The following B3GALT5 variants were observed in gnomAD, a reference collection of about 807,000 sequenced individuals.
B3GALT5 encodes the protein UDP-Gal:betaGlcNAc beta 1,3-galactosyltransferase, polypeptide 5.
For missense variants in B3GALT5, 328 were observed against 396.6 expected (o/e 0.83, Z 1.47); for synonymous variants, 156 against 158.6 (o/e 0.98, Z 0.12).
At position 39,644,406 on chromosome 21, in the gene B3GALT5, CA is replaced by C. The variant is rs563470203; in HGVS notation, c.-391-1985del. On this transcript the variant is annotated intron_variant, in intron 1 of 3. Coordinates refer to ENST00000684187, the MANE Select transcript of B3GALT5 (RefSeq NM_001356336.2). ...GTATGTAGCTTTTCATCTTTGTCGC[CA>C]TTTTATTTAGGAACCCAAATGGGAG... is the stretch of plus-strand genomic sequence containing the variant. Among the ~76,000 whole-genome samples, 43 of 152,212 alleles carry C rather than the reference CA, an allele frequency of 2.8e-4. No individual in the cohort carries two copies. The South Asian group carries it at 7.9e-3, about 28-fold the overall frequency.
rs1452149811 is a variant in B3GALT5 at position 39,669,948 on chromosome 21, G to A, written c.*8456G>A. 1.3e-5 allele frequency: 2 copies of A among 151,994 alleles called. No individual in the cohort carries two copies. The highest frequency in any genetic ancestry group is 4.8e-5 in the African/African-American group (2 of 41,314). The allele number at this position is 151,994 out of a possible 1,614,324, so 9.4% of individuals were successfully genotyped here. A position where few individuals can be genotyped will look rare whatever the true frequency, so the allele number is the denominator to read the frequency against. On this transcript the variant is annotated 3_prime_UTR_variant, in exon 4 of 4. Transcript: ENST00000684187. ...TTTTTTTTTCCAAGTGTTGATATGAGTTTCAGTCTGCCCCTTCCTGGGCCT... is the reference window on the plus strand; with the variant it reads ...TTTTTTTTTCCAAGTGTTGATATGAATTTCAGTCTGCCCCTTCCTGGGCCT...
chr21:39,654,850 A>G (rs551473586), intron 2 of B3GALT5, among the ~76,000 whole-genome samples: 93 of 152,328 alleles, frequency 6.1e-4, no homozygotes, highest in African/African-American at 2.1e-3. Flanking sequence ...TACGTAAGAT[A>G]TGTATGTTAT....
chr21:39,626,685 G>A (rs2123691874), intron 1 of B3GALT5, among the ~76,000 whole-genome samples: 1 of 152,294 alleles, frequency 6.6e-6, no homozygotes, highest in Middle Eastern at 3.4e-3. Flanking sequence ...GCATTTGCCA[G>A]TGGTTGGTGA....
chr21:39,630,600 C>T (rs1187714172), intron 1 of B3GALT5: 1 of 152,172 alleles, frequency 6.6e-6, no homozygotes, highest in Non-Finnish European at 1.5e-5. Context: ...AAGGGGATGG[C>T]TTGCACTTGA....
chr21:39,657,078 C>T (rs2079452531), intron 2 of B3GALT5, among the ~76,000 whole-genome samples: 1 of 152,232 alleles, frequency 6.6e-6, no homozygotes, highest in African/African-American at 2.4e-5. Flanking sequence ...ACGTTCTGCA[C>T]TGTATTTATC....
At chr21:39,634,590 C>T (rs535776709) in intron 1 of B3GALT5, among the ~76,000 whole-genome samples, 16 of 152,184 alleles carry the variant, frequency 1.1e-4, no homozygotes, top group African/African-American at 3.1e-4. Context: ...TGTACAGTCT[C>T]GGAGGTTCAA....
rs2079534901 is a variant in B3GALT5 at position 39,662,255 on chromosome 21, G to A, written c.*763G>A. On this transcript the variant is annotated 3_prime_UTR_variant, in exon 4 of 4. Coordinates refer to ENST00000684187, the MANE Select transcript of B3GALT5 (RefSeq NM_001356336.2). ...AGAAACCACTGCATTCTGACCTGCTGTACAGACTGCCCACACTGCTGACCT... is the reference window on the plus strand; with the variant it reads ...AGAAACCACTGCATTCTGACCTGCTATACAGACTGCCCACACTGCTGACCT... 1 of 167,114 alleles carries A rather than the reference G, an allele frequency of 6.0e-6. No homozygotes were observed. The highest frequency in any genetic ancestry group is 2.4e-5 in the African/African-American group (1 of 41,462). The allele number at this position is 167,114 out of a possible 1,614,324, so 10.4% of individuals were successfully genotyped here.
intron 2 of B3GALT5, among the ~76,000 whole-genome samples, chr21:39,651,379 C>T (rs2079394020): frequency 6.6e-6 from 1 of 152,190 alleles, no homozygotes; most frequent in South Asian, 2.1e-4. Context: ...CTACTCCAGG[C>T]CCTCCCGCAG....
chr21:39,644,348 A>G (rs1166812911), intron 1 of B3GALT5, among the ~76,000 whole-genome samples: 2 of 152,150 alleles, frequency 1.3e-5, no homozygotes, highest in Non-Finnish European at 2.9e-5. Flanking sequence ...TGGGACTCAC[A>G]AGGAGTTTCC....
chr21:39,661,086 C>T lies in B3GALT5; in HGVS notation c.527C>T (p.Thr176Ile), dbSNP rs1454210645. 1.2e-6 allele frequency: 2 copies of T among 1,614,172 alleles called. No individual in the cohort carries two copies. Among genetic ancestry groups the T allele is most frequent in the Non-Finnish European group, 1.7e-6 (2 of 1,180,020 alleles). The stretch of plus-strand genomic sequence containing the variant: ...GAACTGCTTCTGAAGAAAAACAGAA[C>T]AACCAGGTTTTTCACTGGCTTCTTG... ...LTELLLKKNR[T>I]TRFFTGFLKL... The change falls in exon 4 of 4, where the codon ACA becomes ATA. Residue 176 changes from threonine (T) to isoleucine (I), a missense_variant. By Grantham distance (89) the Thr-to-Ile change is moderately conservative. Coordinates refer to ENST00000684187, the MANE Select transcript of B3GALT5 (RefSeq NM_001356336.2). This position sits in a 1 kb window ranked among gnomAD's most constrained non-coding sequence, Gnocchi z 4.7.
intron 1 of B3GALT5, among the ~76,000 whole-genome samples, chr21:39,635,318 G>A (rs998653280): frequency 5.9e-5 from 9 of 152,116 alleles, no homozygotes; most frequent in Non-Finnish European, 1.2e-4. Flanking sequence ...GGAGAGTGAA[G>A]GTGTGTGAGT....
intron 1 of B3GALT5, among the ~76,000 whole-genome samples, chr21:39,627,909 T>C (rs547113484): frequency 5.6e-4 from 86 of 152,260 alleles, no homozygotes; most frequent in African/African-American, 1.9e-3. Flanking sequence ...GCATTACTGG[T>C]ATTATAACTA....
chr21:39,660,154 G>C (rs546969399), intron 3 of B3GALT5, among the ~76,000 whole-genome samples: 1 of 152,168 alleles, frequency 6.6e-6, no homozygotes, highest in Admixed American at 6.5e-5. Context: ...GAATGCAAGT[G>C]GTCCATACAT....
intron 1 of B3GALT5, among the ~76,000 whole-genome samples, chr21:39,638,622 C>T (rs753609091): frequency 6.6e-6 from 1 of 152,172 alleles, no homozygotes; most frequent in Non-Finnish European, 1.5e-5. Flanking sequence ...ATACAGAAAG[C>T]CCTCTGTCCT....
intron 1 of B3GALT5, among the ~76,000 whole-genome samples, chr21:39,626,593 G>A (rs996111261): frequency 7.9e-5 from 12 of 151,838 alleles, no homozygotes; most frequent in Non-Finnish European, 1.6e-4. Flanking sequence ...GCCAACATTC[G>A]TTATTTTCTG....
At chr21:39,634,690 C>A (rs1224652324) in intron 1 of B3GALT5, among the ~76,000 whole-genome samples, 2 of 152,056 alleles carry the variant, frequency 1.3e-5, no homozygotes, top group Non-Finnish European at 2.9e-5. Flanking sequence ...GTGCCTGGTT[C>A]TCTGATCCTG....
chr21:39,618,119 C>T (rs1382701888), intron 1 of B3GALT5, among the ~76,000 whole-genome samples: 1 of 152,094 alleles, frequency 6.6e-6, no homozygotes, highest in Non-Finnish European at 1.5e-5. Flanking sequence ...CAATCCAATG[C>T]ACTCTAGCAT....
rs1451684785 is a variant in B3GALT5, at chr21:39,660,888, A to G, written c.329A>G (p.Asp110Gly). Residue 110 changes from aspartate to glycine, a missense_variant, in exon 4 of 4, where the codon GAC (aspartate) becomes GGC (glycine). Asp to Gly is a moderately conservative substitution (Grantham distance 94). Transcript: ENST00000684187. ...TSSAAETKEV[D>G]QESQRHGDII... The stretch of plus-strand genomic sequence containing the variant: ...AGTGCAGCGGAAACGAAAGAGGTGG[A>G]CCAGGAGAGCCAGCGACACGGGGAC... The G allele has an allele frequency of 6.2e-7, 1 of 1,612,092 alleles. No homozygotes were observed. Among genetic ancestry groups the G allele is most frequent in the Non-Finnish European group, 8.5e-7 (1 of 1,179,056 alleles).
chr21:39,661,608 G>A lies in B3GALT5; in HGVS notation c.*116G>A, dbSNP rs1192929305. 7.9e-6 allele frequency: 8 copies of A among 1,018,862 alleles called. No individual in the cohort carries two copies. Among genetic ancestry groups the A allele is most frequent in the East Asian group, 5.6e-5 (2 of 35,888 alleles). The allele number at this position is 1,018,862 out of a possible 1,614,324, so 63.1% of individuals were successfully genotyped here. A position where few individuals can be genotyped will look rare whatever the true frequency, so the allele number is the denominator to read the frequency against. ...GCTGTTCTTCAGTGCTGAAATCCAC[G>A]CCAGAATGTCGGTGTTCATGAAGTC... On this transcript the variant is annotated 3_prime_UTR_variant, in exon 4 of 4. Transcript: ENST00000684187. The surrounding 1 kb of genome is among the most constrained non-coding windows in gnomAD (Gnocchi z 4.7).
Sources: allele counts gnomAD v4.1 joint callset (sites outside exome capture counted in the v4.1 genomes callset), GRCh38; gene constraint gnomAD v4.1.1; non-coding constraint Gnocchi (gnomAD v3.1); transcripts MANE v1.5; gene names NCBI Gene and HGNC (gene_info 2026-07-23, HGNC 2026-07-21).